Variants in PCDHGB1 observed in about 807,000 individuals in gnomAD.
PCDHGB1 encodes the protein protocadherin gamma-B1.
In PCDHGB1, 34 loss-of-function variants were observed where a neutral mutation model predicts 56.6. That is an observed-to-expected ratio of 0.60 (90% CI 0.46 to 0.80). PCDHGB1 has a LOEUF of 0.80. Among genes scored for constraint, PCDHGB1 ranks in the 30% least tolerant of loss-of-function variants. PCDHGB1 has a pLI of 0.00. For synonymous variants in PCDHGB1, 561 were observed against 505.9 expected (o/e 1.11, Z -1.46); for missense variants, 1,278 against 1,204.6 (o/e 1.06, Z -0.90).
At chr5:141,357,032 C>A (rs754361100) in intron 1 of PCDHGB1, 2 of 1,614,066 alleles carry the variant, frequency 1.2e-6, no homozygotes, top group Non-Finnish European at 1.7e-6. Flanking sequence ...CTACTCAAGT[C>A]CAGCGAGCCG....
intron 1 of PCDHGB1, chr5:141,433,169 C>T: frequency 6.2e-7 from 1 of 1,613,000 alleles, no homozygotes; most frequent in Non-Finnish European, 8.5e-7. Context: ...TAAAGACAGT[C>T]ATGGGTTAAT....
chr5:141,410,505 A>T (rs2095401601), intron 1 of PCDHGB1: 1 of 1,613,848 alleles, frequency 6.2e-7, no homozygotes, highest in Non-Finnish European at 8.5e-7. Flanking sequence ...AATTTCCTAA[A>T]ATGCAGTGTG....
chr5:141,449,073 T>C (rs889880816), intron 1 of PCDHGB1, among the ~76,000 whole-genome samples: 1 of 152,246 alleles, frequency 6.6e-6, no homozygotes, highest in African/African-American at 2.4e-5. Flanking sequence ...TGAATAGCCC[T>C]GTACCTACAT....
chr5:141,352,361 C>T lies in PCDHGB1; in HGVS notation c.2101C>T (p.Leu701Phe). 1 of 1,614,054 alleles carries T rather than the reference C, an allele frequency of 6.2e-7. No homozygotes were observed. Among genetic ancestry groups the T allele is most frequent in the Non-Finnish European group, 8.5e-7 (1 of 1,179,908 alleles). ...ALALISVLFL[L>F]AVILAIALRL... ...GGCCTTGATCTCAGTGCTCTTTCTC[C>T]TCGCGGTGATTCTAGCGATCGCCCT... Residue 701 changes from leucine to phenylalanine, a missense_variant, in exon 1 of 4, where the codon CTC becomes TTC. By Grantham distance (22) the Leu-to-Phe change is conservative (BLOSUM62 0). Coordinates refer to ENST00000523390, the MANE Select transcript of PCDHGB1 (RefSeq NM_018922.3).
rs576761049 is a variant in PCDHGB1, at chr5:141,372,029, C to T, written c.2409+19360C>T. On this transcript the variant is annotated intron_variant, in intron 1 of 3. Transcript: ENST00000523390. ...AGGGCTCGCCTACGCTCAGCGCCAACGTGAGCCTGCGCGTGTTGGTGGACG... is the reference window on the plus strand; with the variant it reads ...AGGGCTCGCCTACGCTCAGCGCCAATGTGAGCCTGCGCGTGTTGGTGGACG... The T allele has an allele frequency of 2.7e-5, 43 of 1,613,442 alleles. No individual in the cohort carries two copies. The African/African-American group carries it at 4.3e-4, about 16-fold the overall frequency.
intron 1 of PCDHGB1, among the ~76,000 whole-genome samples, chr5:141,458,338 G>A (rs1160200932): frequency 2.6e-5 from 4 of 152,134 alleles, no homozygotes; most frequent in African/African-American, 9.7e-5. Context: ...GTTTTAAGGA[G>A]TGGAGAGTTT....
In PCDHGB1 at chr5:141,485,066, G is replaced by A. The variant is rs907517904; in HGVS notation, c.2410-9741G>A. On this transcript the variant is annotated intron_variant, in intron 1 of 3. Coordinates refer to ENST00000523390, the MANE Select transcript of PCDHGB1 (RefSeq NM_018922.3). This position sits in a 1 kb window ranked among gnomAD's most constrained non-coding sequence, Gnocchi z 5.7. Reference sequence around the variant, plus strand: ...GCGGCGCCGGCCGAACCGCGCCAGAGCTGGCGCGGGGAAAGGGAGATAGGT... The same window carrying A: ...GCGGCGCCGGCCGAACCGCGCCAGAACTGGCGCGGGGAAAGGGAGATAGGT... 1 of 885,622 alleles carries A rather than the reference G, an allele frequency of 1.1e-6. No individual in the cohort carries two copies. Among genetic ancestry groups the A allele is most frequent in the Non-Finnish European group, 1.8e-6 (1 of 559,820 alleles). 54.9% of individuals were successfully genotyped at this position (885,622 alleles called of 1,614,324 possible).
intron 1 of PCDHGB1, among the ~76,000 whole-genome samples, chr5:141,353,089 A>G (rs1464341115): frequency 6.6e-6 from 1 of 151,992 alleles, no homozygotes; most frequent in African/African-American, 2.4e-5. Flanking sequence ...CTACTGCGGG[A>G]GGGGGTACTA....
chr5:141,372,797 CA>C (rs1769078994), intron 1 of PCDHGB1: 2 of 1,597,434 alleles, frequency 1.3e-6, no homozygotes, highest in Admixed American at 3.5e-5. Flanking sequence ...CTAATTCAGG[CA>C]ATTTGCAAAA....
intron 1 of PCDHGB1, chr5:141,361,291 G>A: frequency 6.2e-7 from 1 of 1,614,040 alleles, no homozygotes; most frequent in Non-Finnish European, 8.5e-7. Flanking sequence ...TTACTGCCAA[G>A]TGTTGGGAAA....
chr5:141,409,903 G>A (rs570063514), intron 1 of PCDHGB1: 1 of 1,613,268 alleles, frequency 6.2e-7, no homozygotes, highest in Non-Finnish European at 8.5e-7. Flanking sequence ...ACCCAGCTCT[G>A]GGTCCTGACG....
rs146615755 is a variant in PCDHGB1 at position 141,486,022 on chromosome 5, T to C, written c.2410-8785T>C. The C allele has an allele frequency of 1.2e-6, 2 of 1,614,030 alleles. No homozygotes were observed. Among genetic ancestry groups the C allele is most frequent in the Non-Finnish European group, 1.7e-6 (2 of 1,180,036 alleles). Reference sequence around the variant, plus strand: ...GTAACGTCACCTTTTATTTCAGTGGTCATACCCCTGATCGTGTAAGAAACC... The same window carrying C: ...GTAACGTCACCTTTTATTTCAGTGGCCATACCCCTGATCGTGTAAGAAACC... On this transcript the variant is annotated intron_variant, in intron 1 of 3. Coordinates refer to ENST00000523390, the MANE Select transcript of PCDHGB1 (RefSeq NM_018922.3). The surrounding 1 kb of genome is among the most constrained non-coding windows in gnomAD (Gnocchi z 5.0).
chr5:141,429,879 A>T (rs2097250861), intron 1 of PCDHGB1, among the ~76,000 whole-genome samples: 1 of 152,210 alleles, frequency 6.6e-6, no homozygotes, highest in African/African-American at 2.4e-5. Context: ...TCTTTTACTA[A>T]GTTTCCTGAA....
intron 1 of PCDHGB1, chr5:141,388,690 A>T: frequency 6.2e-7 from 1 of 1,614,030 alleles, no homozygotes; most frequent in Middle Eastern, 1.6e-4. Context: ...GCCACGGACC[A>T]GGATGAGGGT....
chr5:141,376,609 C>A, intron 1 of PCDHGB1: 3 of 1,478,318 alleles, frequency 2.0e-6, no homozygotes, highest in Non-Finnish European at 2.8e-6. Flanking sequence ...AGAAGCGAAC[C>A]TCTTTTGGTA....
chr5:141,362,141 A>G (rs765866460), intron 1 of PCDHGB1: 2 of 1,614,032 alleles, frequency 1.2e-6, no homozygotes, highest in South Asian at 2.2e-5. Flanking sequence ...GATAGCCTGC[A>G]AGAGGTATTG....
rs1686238986 is a variant in PCDHGB1 at position 141,431,536 on chromosome 5, G to A, written c.2410-63271G>A. The A allele has an allele frequency of 6.2e-7, 1 of 1,614,070 alleles. No homozygotes were observed. Among genetic ancestry groups the A allele is most frequent in the African/African-American group, 1.3e-5 (1 of 75,064 alleles). On this transcript the variant is annotated intron_variant, in intron 1 of 3. Transcript: ENST00000523390. The surrounding 1 kb of genome is among the most constrained non-coding windows in gnomAD (Gnocchi z 4.8). ...TTCCGGAGAATCTGGCCTTGGGCAC[G>A]CAGCTGCTTGTAGTCAACGCTACCG... is the stretch of plus-strand genomic sequence containing the variant.
intron 1 of PCDHGB1, among the ~76,000 whole-genome samples, chr5:141,397,434 A>G (rs1343347268): frequency 1.3e-5 from 2 of 152,238 alleles, no homozygotes; most frequent in African/African-American, 4.8e-5. Context: ...TTTCCCTAAT[A>G]TGTGTAATAT....
chr5:141,388,520 G>T, intron 1 of PCDHGB1: 1 of 1,613,822 alleles, frequency 6.2e-7, no homozygotes, highest in Admixed American at 1.7e-5. Flanking sequence ...ACTTGACTTT[G>T]ACTGCCTTGG....
Sources: gnomAD v4.1 joint callset for allele counts (sites outside exome capture counted in the v4.1 genomes callset) on GRCh38, gnomAD v4.1.1 for gene constraint, Gnocchi (gnomAD v3.1) non-coding constraint, MANE v1.5 for transcripts, NCBI Gene and HGNC (gene_info 2026-07-23, HGNC 2026-07-21) for gene names.